CLEC16A: variants seen among roughly 807,000 people sequenced by gnomAD.
CLEC16A encodes the protein protein CLEC16A.
A neutral mutation model predicts 109.5 loss-of-function variants in CLEC16A; 51 were observed. The ratio of observed to expected loss-of-function variants is 0.47; its 90% CI spans 0.37 to 0.59. The LOEUF is 0.59. Ranked by LOEUF, CLEC16A falls within the 20% of genes least tolerant of loss-of-function variation. The pLI, the probability that CLEC16A is intolerant of heterozygous loss-of-function variation, is 0.00. For missense variants in CLEC16A, 1,339 were observed against 1,394.0 expected (o/e 0.96, Z 0.63); for synonymous variants, 673 against 564.2 (o/e 1.19, Z -2.73).
chr16:11,039,339 G>T (rs1448187886), intron 13 of CLEC16A, among the ~76,000 whole-genome samples: 1 of 152,076 alleles, frequency 6.6e-6, no homozygotes, highest in Non-Finnish European at 1.5e-5. Flanking sequence ...TATTATTACT[G>T]GCAATTATTG....
chr16:11,133,823 G>A (rs1214959307), intron 22 of CLEC16A, among the ~76,000 whole-genome samples: 1 of 152,114 alleles, frequency 6.6e-6, no homozygotes, highest in East Asian at 1.9e-4. Flanking sequence ...GAAGGACCTG[G>A]GGCTTCCTCC....
At chr16:11,172,281 TACCTGC>T (rs2068553668) in intron 23 of CLEC16A, among the ~76,000 whole-genome samples, 1 of 151,742 alleles carries the variant, frequency 6.6e-6, no homozygotes, top group South Asian at 2.1e-4. Context: ...CACACACACA[TACCTGC>T]ACCTACACAT....
At chr16:11,026,653 T>G (rs1436980924) in intron 13 of CLEC16A, among the ~76,000 whole-genome samples, 4 of 151,034 alleles carry the variant, frequency 2.6e-5, no homozygotes, top group Non-Finnish European at 5.9e-5. Flanking sequence ...GGGTTTTTTT[T>G]TTTTTTTTTT....
intron 19 of CLEC16A, among the ~76,000 whole-genome samples, chr16:11,118,610 G>A (rs939459973): frequency 1.3e-5 from 2 of 152,186 alleles, no homozygotes; most frequent in Non-Finnish European, 2.9e-5. Flanking sequence ...CTTTAAAGAA[G>A]CACTGAAATG....
intron 10 of CLEC16A, among the ~76,000 whole-genome samples, chr16:10,994,833 G>C (rs948555652): frequency 1.3e-5 from 2 of 152,224 alleles, no homozygotes; most frequent in African/African-American, 4.8e-5. Context: ...TCTGATTAGT[G>C]TGACGTCGGC....
intron 11 of CLEC16A, among the ~76,000 whole-genome samples, chr16:11,016,108 G>A (rs184552422): frequency 1.3e-3 from 185 of 147,748 alleles, no homozygotes; most frequent in Middle Eastern, 0.01. Context: ...GATCATGCTA[G>A]TATTATGGAC....
At chr16:11,051,475 G>A (rs1430541689) in intron 17 of CLEC16A, 38 bp from the exon 18 acceptor site, 2 of 1,589,830 alleles carry the variant, frequency 1.3e-6, no homozygotes, top group Non-Finnish European at 1.7e-6. Flanking sequence ...TTCCAAGTAA[G>A]GAATCTGCTT....
At chr16:11,092,436 G>A (rs1315064798) in intron 19 of CLEC16A, among the ~76,000 whole-genome samples, 2 of 149,888 alleles carry the variant, frequency 1.3e-5, no homozygotes, top group African/African-American at 2.5e-5. Context: ...TGTAGTCCCA[G>A]CTACTTGGGA....
In CLEC16A at chr16:11,178,953, G is replaced by C; in HGVS notation, c.*263G>C. ...CAGATGACTGCACCGGCCACTCAGGGAGCTGCCTGGGCTCCGTGTCTCTGA... is the reference window on the plus strand; with the variant it reads ...CAGATGACTGCACCGGCCACTCAGGCAGCTGCCTGGGCTCCGTGTCTCTGA... On this transcript the variant is annotated 3_prime_UTR_variant, in exon 24 of 24. Transcript: ENST00000409790. The surrounding 1 kb of genome is among the most constrained non-coding windows in gnomAD (Gnocchi z 6.5). 2.4e-6 allele frequency: 1 copy of C among 409,722 alleles called. No individual in the cohort carries two copies. The allele number at this position is 409,722 out of a possible 1,614,324, so 25.4% of individuals were successfully genotyped here.
rs1374104414 is a variant in CLEC16A at position 11,157,251 on chromosome 16, A to G, written c.2642-9137A>G. The G allele has an allele frequency of 7.6e-6, 9 of 1,191,364 alleles. No homozygotes were observed. The East Asian group carries it at 5.5e-4, about 73-fold the overall frequency. The allele number at this position is 1,191,364 out of a possible 1,614,324, so 73.8% of individuals were successfully genotyped here. On this transcript the variant is annotated intron_variant, in intron 22 of 23. Transcript: ENST00000409790. ...GTGAGGTGCAGCCTAGTCAGTGATCAGTGATGTGGGGGTCGCCCATGGTGG... is the reference window on the plus strand; with the variant it reads ...GTGAGGTGCAGCCTAGTCAGTGATCGGTGATGTGGGGGTCGCCCATGGTGG...
intron 22 of CLEC16A, among the ~76,000 whole-genome samples, chr16:11,133,436 A>G (rs1386445616): frequency 6.6e-6 from 1 of 152,042 alleles, no homozygotes; most frequent in Non-Finnish European, 1.5e-5. Flanking sequence ...CTAAACCGGC[A>G]GGGTCAGTCA....
intron 4 of CLEC16A, among the ~76,000 whole-genome samples, chr16:10,970,592 G>A (rs1440753480): frequency 2.6e-5 from 4 of 152,138 alleles, no homozygotes; most frequent in African/African-American, 9.7e-5. Flanking sequence ...AAGTAGAGAT[G>A]AGGTCTCGTC....
intron 22 of CLEC16A, among the ~76,000 whole-genome samples, chr16:11,128,674 G>T (rs531506319): frequency 6.6e-6 from 1 of 152,182 alleles, no homozygotes; most frequent in African/African-American, 2.4e-5. Flanking sequence ...AAATCCCTGA[G>T]CCTTGGCATG....
intron 11 of CLEC16A, among the ~76,000 whole-genome samples, chr16:11,016,005 T>C (rs1429088947): frequency 1.3e-5 from 2 of 152,194 alleles, no homozygotes; most frequent in Non-Finnish European, 2.9e-5. Context: ...CAAGCCTTGT[T>C]AGTAAACACA....
At chr16:11,151,830 G>GC (rs1302723604) in intron 22 of CLEC16A, among the ~76,000 whole-genome samples, 1 of 152,242 alleles carries the variant, frequency 6.6e-6, no homozygotes, top group Non-Finnish European at 1.5e-5. Flanking sequence ...GGGGGCGGGG[G>GC]CCGGCTGGGG....
chr16:11,124,588 A>C (rs140333022), intron 21 of CLEC16A, among the ~76,000 whole-genome samples: 28 of 152,362 alleles, frequency 1.8e-4, no homozygotes, highest in Admixed American at 4.6e-4. Context: ...AGTCACAGAA[A>C]TGAGGGAGAT....
chr16:11,162,742 G>T (rs1387625058), intron 22 of CLEC16A, among the ~76,000 whole-genome samples: 1 of 152,226 alleles, frequency 6.6e-6, no homozygotes, highest in South Asian at 2.1e-4. Flanking sequence ...CATCTAGAGG[G>T]ATTAGAATTC....
chr16:11,039,820 A>G lies in CLEC16A; in HGVS notation c.1604A>G (p.Tyr535Cys). ...PVPNAAEKTT[Y>C]NHPLAERLIR... ...CCAAATGCGGCCGAGAAGACCACCTACAACCACCCGCTAGCTGAAAGACTC... is the reference window on the plus strand; with the variant it reads ...CCAAATGCGGCCGAGAAGACCACCTGCAACCACCCGCTAGCTGAAAGACTC... The change falls in exon 14 of 24, where the codon TAC becomes TGC. Residue 535 changes from tyrosine (Y) to cysteine (C), a missense_variant. Transcript: ENST00000409790. 4 of 1,612,064 alleles carry G rather than the reference A, an allele frequency of 2.5e-6. No individual in the cohort carries two copies. Among genetic ancestry groups the G allele is most frequent in the Non-Finnish European group, 3.4e-6 (4 of 1,179,146 alleles).
intron 20 of CLEC16A, among the ~76,000 whole-genome samples, chr16:11,123,464 C>A (rs2052576993): frequency 6.6e-6 from 1 of 152,138 alleles, no homozygotes; most frequent in Non-Finnish European, 1.5e-5. Context: ...TATTCATGAG[C>A]TGACCCCAGT....
Sources: gnomAD v4.1 joint callset for allele counts (sites outside exome capture counted in the v4.1 genomes callset) on GRCh38, gnomAD v4.1.1 for gene constraint, Gnocchi (gnomAD v3.1) non-coding constraint, MANE v1.5 for transcripts, NCBI Gene and HGNC (gene_info 2026-07-23, HGNC 2026-07-21) for gene names.